Variants in GLCE observed in about 807,000 individuals in gnomAD.
GLCE encodes glucuronic acid epimerase.
GLCE carries 19 observed loss-of-function variants against 47.9 expected under a neutral mutation model. The observed-to-expected ratio is 0.40, with a 90% CI of 0.28 to 0.58. The LOEUF (loss-of-function observed/expected upper bound fraction) is 0.58. Ranked by LOEUF, GLCE falls within the 20% of genes least tolerant of loss-of-function variation. The pLI is 0.48. For missense variants in GLCE, 556 were observed against 743.3 expected, an observed-to-expected ratio of 0.75 and a Z score of 2.93; for synonymous variants, 245 against 263.4, an observed-to-expected ratio of 0.93 and a Z score of 0.68.
chr15:69,212,800 A>G (rs756910693), intron 2 of GLCE, among the ~76,000 whole-genome samples: 2 of 152,106 alleles, frequency 1.3e-5, no homozygotes, highest in African/African-American at 2.4e-5. Context: ...TTATTTTCAT[A>G]TAACTGTCAG....
Position 69,166,402 on chromosome 15 carries a change from TGAA to T in GLCE, c.-105+5650_-105+5652del, listed in dbSNP as rs2051501816. Among the ~76,000 whole-genome samples, 2 of 152,194 alleles carry T rather than the reference TGAA, an allele frequency of 1.3e-5. 1 individual carries two copies. The highest frequency in any genetic ancestry group is 4.1e-4 in the South Asian group (2 of 4,820). On this transcript the variant is annotated intron_variant, in intron 1 of 4. Transcript: ENST00000261858. ...AACATATTTAATTCATTTTGTAAAT[TGAA>T]GAAGTAGGTTGTAAAGTTTATCCAT...
intron 1 of GLCE, among the ~76,000 whole-genome samples, chr15:69,161,792 G>A (rs2051426363): frequency 6.6e-6 from 1 of 152,186 alleles, no homozygotes; most frequent in Admixed American, 6.5e-5. Context: ...AGCTCCGGGA[G>A]CTAGAGTGGC....
chr15:69,222,554 G>A (rs1205350652), intron 2 of GLCE, among the ~76,000 whole-genome samples: 4 of 152,208 alleles, frequency 2.6e-5, no homozygotes, highest in Admixed American at 2.0e-4. Context: ...TTAGGGCCTT[G>A]AACATATCCT....
intron 2 of GLCE, among the ~76,000 whole-genome samples, chr15:69,227,800 C>T (rs2140399432): frequency 6.6e-6 from 1 of 152,296 alleles, no homozygotes; most frequent in South Asian, 2.1e-4. Flanking sequence ...ATGGTAGCAT[C>T]AATCCCTTTT....
intron 1 of GLCE, among the ~76,000 whole-genome samples, chr15:69,189,271 C>A (rs909924683): frequency 1.3e-5 from 2 of 152,194 alleles, no homozygotes; most frequent in Non-Finnish European, 2.9e-5. Context: ...AAGTTTCATA[C>A]AGTTGAAATC....
chr15:69,222,908 A>C (rs528076046), intron 2 of GLCE, among the ~76,000 whole-genome samples: 2 of 152,198 alleles, frequency 1.3e-5, no homozygotes, highest in Non-Finnish European at 2.9e-5. Flanking sequence ...GATTACAATT[A>C]ACATCCTAGG....
rs2051480440 is a variant in GLCE, at chr15:69,164,917, T to C, written c.-105+4160T>C. On this transcript the variant is annotated intron_variant, in intron 1 of 4. Transcript: ENST00000261858. Reference sequence around the variant, plus strand: ...TCTGGATATAGAATGAGGTCTCTAGTGGTTGCCTCCAGACTTGATCCCCTT... The same window carrying C: ...TCTGGATATAGAATGAGGTCTCTAGCGGTTGCCTCCAGACTTGATCCCCTT... 3.9e-5 allele frequency among the ~76,000 whole-genome samples: 6 copies of C among 152,190 alleles called. No homozygotes were observed. The South Asian group carries it at 1.2e-3, about 32-fold the overall frequency.
chr15:69,161,928 T>C (rs2051429960), intron 1 of GLCE, among the ~76,000 whole-genome samples: 1 of 151,996 alleles, frequency 6.6e-6, no homozygotes, highest in Non-Finnish European at 1.5e-5. Context: ...TTGGCTTGCT[T>C]TCCTAGGTGG....
chr15:69,202,574 A>C (rs1324073331), intron 1 of GLCE, among the ~76,000 whole-genome samples: 2 of 152,150 alleles, frequency 1.3e-5, no homozygotes, highest in African/African-American at 4.8e-5. Context: ...TCTTAGTGAT[A>C]GTCCTGGTTA....
intron 2 of GLCE, among the ~76,000 whole-genome samples, chr15:69,222,040 G>A (rs565906946): frequency 6.6e-6 from 1 of 152,094 alleles, no homozygotes; most frequent in African/African-American, 2.4e-5. Context: ...TGTGGCACAA[G>A]TTGCATGTGG....
At chr15:69,228,611 A>T (rs535975339) in intron 2 of GLCE, among the ~76,000 whole-genome samples, 51 of 152,354 alleles carry the variant, frequency 3.3e-4, no homozygotes, top group Admixed American at 2.5e-3. Flanking sequence ...TAAAATTTAA[A>T]ATATATTAAT....
At chr15:69,201,047 C>A (rs545508861) in intron 1 of GLCE, among the ~76,000 whole-genome samples, 17 of 152,200 alleles carry the variant, frequency 1.1e-4, no homozygotes, top group African/African-American at 3.6e-4. Flanking sequence ...AAGGTCAAGT[C>A]CCTCTCAAGC....
chr15:69,202,464 G>T (rs534110883), intron 1 of GLCE, among the ~76,000 whole-genome samples: 1 of 152,176 alleles, frequency 6.6e-6, no homozygotes, highest in South Asian at 2.1e-4. Context: ...TCTCTCTTGT[G>T]CTCCCACTGT....
At chr15:69,217,174 A>G (rs2052318992) in intron 2 of GLCE, among the ~76,000 whole-genome samples, 1 of 151,896 alleles carries the variant, frequency 6.6e-6, no homozygotes, top group South Asian at 2.1e-4. Context: ...TAAAACATAT[A>G]TATATAAATT....
chr15:69,184,249 G>A (rs965078843), intron 1 of GLCE, among the ~76,000 whole-genome samples: 1 of 152,192 alleles, frequency 6.6e-6, no homozygotes, highest in South Asian at 2.1e-4. Flanking sequence ...CAGCTTCCCA[G>A]CCACTTCTTC....
intron 2 of GLCE, among the ~76,000 whole-genome samples, chr15:69,242,407 C>T (rs567379290): frequency 9.2e-5 from 14 of 151,862 alleles, no homozygotes; most frequent in South Asian, 2.1e-4. Context: ...TATTTGAGAG[C>T]GGAAATCGTT....
At chr15:69,226,156 TA>T (rs2052444617) in intron 2 of GLCE, among the ~76,000 whole-genome samples, 1 of 152,220 alleles carries the variant, frequency 6.6e-6, no homozygotes, top group Non-Finnish European at 1.5e-5. Context: ...TTCTGTAACT[TA>T]AACTACCTAC....
At chr15:69,223,716 A>C (rs546094842) in intron 2 of GLCE, among the ~76,000 whole-genome samples, 1 of 151,686 alleles carries the variant, frequency 6.6e-6, no homozygotes, top group East Asian at 1.9e-4. Flanking sequence ...TACTCATCCA[A>C]TTGATGGTGT....
At chr15:69,232,352 C>T (rs1380198135) in intron 2 of GLCE, among the ~76,000 whole-genome samples, 9 of 152,072 alleles carry the variant, frequency 5.9e-5, no homozygotes, top group Non-Finnish European at 1.2e-4. Context: ...CAAGCAATGG[C>T]TCCTGAGATA....
Sources: gnomAD v4.1 joint callset for allele counts (sites outside exome capture counted in the v4.1 genomes callset) on GRCh38, gnomAD v4.1.1 for gene constraint, MANE v1.5 for transcripts, NCBI Gene and HGNC (gene_info 2026-07-23, HGNC 2026-07-21) for gene names.